WDR86: variants seen among roughly 807,000 people sequenced by gnomAD.
WDR86 encodes WD repeat domain 86, also known as WD repeat-containing protein 86.
A neutral mutation model predicts 36.5 loss-of-function variants in WDR86; 30 were observed. The ratio of observed to expected loss-of-function variants is 0.82; its 90% confidence interval spans 0.61 to 1.11. The LOEUF is 1.11. Ranked by LOEUF, WDR86 falls within the 50% of genes most tolerant of loss-of-function variation. The pLI, the probability that WDR86 is intolerant of heterozygous loss-of-function variation, is 0.00. For missense variants in WDR86, 545 were observed against 561.2 expected (o/e 0.97, Z 0.29); for synonymous variants, 255 against 252.9 (o/e 1.01, Z -0.08).
chr7:151,403,385 C>A (rs867819094), intron 1 of WDR86, among the ~76,000 whole-genome samples: 1 of 152,188 alleles, frequency 6.6e-6, no homozygotes, highest in African/African-American at 2.4e-5. Context: ...ATACTTATTA[C>A]ATTAAGAATT....
chr7:151,385,006 G>T, intron 4 of WDR86, 82 bp downstream of exon 4: 1 of 1,444,230 alleles, frequency 6.9e-7, no homozygotes, highest in Non-Finnish European at 9.3e-7. Flanking sequence ...GCTCAATGAG[G>T]GAAAATCCCA....
intron 4 of WDR86, among the ~76,000 whole-genome samples, chr7:151,382,589 C>T (rs1798682742): frequency 6.6e-6 from 1 of 152,220 alleles, no homozygotes; most frequent in African/African-American, 2.4e-5. Context: ...GGGGCCGCAT[C>T]CCAGAATCTG....
At position 151,406,112 on chromosome 7, in the gene WDR86, T is replaced by C. The variant is rs1032108660; in HGVS notation, c.163+3315A>G. Among the ~76,000 whole-genome samples, 1 of 152,204 alleles carries C rather than the reference T, an allele frequency of 6.6e-6. No homozygotes were observed. Among genetic ancestry groups the C allele is most frequent in the Non-Finnish European group, 1.5e-5 (1 of 68,038 alleles). On this transcript the variant is annotated intron_variant, in intron 1 of 5. Transcript: ENST00000334493. The surrounding 1 kb of genome is among the most constrained non-coding windows in gnomAD (Gnocchi z 4.4). ...GTAATTGCAATGAAGCCTTTTTCACTGTGAGCTCACCAACCGCATTTGAAA... is the reference window on the plus strand; with the variant it reads ...GTAATTGCAATGAAGCCTTTTTCACCGTGAGCTCACCAACCGCATTTGAAA...
rs553566745 is a variant in WDR86 at position 151,401,775 on chromosome 7, C to T, written c.164-1534G>A. On this transcript the variant is annotated intron_variant, in intron 1 of 5. Coordinates refer to ENST00000334493, the MANE Select transcript of WDR86 (RefSeq NM_198285.3). This position sits in a 1 kb window ranked among gnomAD's most constrained non-coding sequence, Gnocchi z 4.3. ...CTAAATACAACCGCAAGTGGCCAGG[C>T]GCGGTGGCTCACGCCTGTAATTCCA... Among the ~76,000 whole-genome samples the T allele has an allele frequency of 5.8e-4, 88 of 152,008 alleles. No homozygotes were observed. Among genetic ancestry groups the T allele is most frequent in the Admixed American group, 1.5e-3 (23 of 15,260 alleles).
chr7:151,396,710 A>G (rs1799849482), intron 2 of WDR86, among the ~76,000 whole-genome samples: 1 of 152,166 alleles, frequency 6.6e-6, no homozygotes, highest in African/African-American at 2.4e-5. Context: ...ACTTCAGATG[A>G]GGGCCCTGAG....
intron 4 of WDR86, among the ~76,000 whole-genome samples, chr7:151,384,529 C>T (rs993779528): frequency 3.8e-4 from 58 of 152,316 alleles, no homozygotes; most frequent in Middle Eastern, 3.4e-3. Flanking sequence ...CATGAGGCTT[C>T]TTTAAAGATA....
At chr7:151,394,338 CT>C (rs1799653782) in intron 3 of WDR86, among the ~76,000 whole-genome samples, 2 of 152,228 alleles carry the variant, frequency 1.3e-5, no homozygotes, top group African/African-American at 4.8e-5. Context: ...GCCTCTACCC[CT>C]ACAACCCCAA....
chr7:151,404,711 G>C (rs543482094), intron 1 of WDR86, among the ~76,000 whole-genome samples: 1 of 152,376 alleles, frequency 6.6e-6, no homozygotes, highest in South Asian at 2.1e-4. Flanking sequence ...ATGCAGATAA[G>C]ATGCAGTTAT....
chr7:151,375,657 C>A (rs1460886804), downstream of WDR86, among the ~76,000 whole-genome samples: 1 of 152,234 alleles, frequency 6.6e-6, no homozygotes, highest in Non-Finnish European at 1.5e-5. Context: ...CTTGCTCCTC[C>A]TTCAAACCCC....
intron 3 of WDR86, among the ~76,000 whole-genome samples, chr7:151,389,199 G>A (rs1007700180): frequency 7.6e-5 from 11 of 143,800 alleles, no homozygotes; most frequent in East Asian, 2.0e-4. Context: ...CAAGTGATCC[G>A]TCCACCTCAG....
chr7:151,410,163 C>A, upstream of WDR86: 1 of 853,068 alleles, frequency 1.2e-6, no homozygotes, highest in Non-Finnish European at 1.4e-6. Context: ...GTCCGGGGGA[C>A]GGCTCCACGT....
At chr7:151,385,872 C>G (rs913840684) in intron 3 of WDR86, among the ~76,000 whole-genome samples, 1 of 152,160 alleles carries the variant, frequency 6.6e-6, no homozygotes, top group Non-Finnish European at 1.5e-5. Flanking sequence ...GTAGCGGCCC[C>G]AGGGAAGTGC....
intron 3 of WDR86, among the ~76,000 whole-genome samples, chr7:151,393,375 C>G (rs749161836): frequency 6.6e-6 from 1 of 152,126 alleles, no homozygotes; most frequent in South Asian, 2.1e-4. Context: ...GCCAGGACAC[C>G]CTACGCTCCC....
chr7:151,371,899 G>A (rs932226519), downstream of WDR86, among the ~76,000 whole-genome samples: 4 of 152,102 alleles, frequency 2.6e-5, no homozygotes, highest in African/African-American at 7.2e-5. Flanking sequence ...TAGAAATGGG[G>A]TCTCACCATG....
In WDR86 at chr7:151,396,178, G is replaced by A. The variant is rs781010477; in HGVS notation, c.324C>T (p.Asn108=). The A allele has an allele frequency of 4.3e-6, 7 of 1,612,912 alleles. No homozygotes were observed. Among genetic ancestry groups the A allele is most frequent in the Non-Finnish European group, 5.9e-6 (7 of 1,179,866 alleles). ...SIVNRILVAN[N]QLFSSSYDRT... ...GGTCATAGGAGCTGCTGAAGAGCTG[G>A]TTGTTGGCAACCAGGATCCTGGGGG... The change falls in exon 3 of 6, where the codon AAC becomes AAT. Residue 108 remains asparagine, a synonymous_variant. Transcript: ENST00000334493.
In WDR86 at chr7:151,381,847, C is replaced by T. The variant is rs371164945; in HGVS notation, c.966+31G>A. ...GGCGGGGCACCTTCCCTCCCACGGGCGGCGGCCCCGAGAAGGGCAGAGGGA... is the reference window on the plus strand; with the variant it reads ...GGCGGGGCACCTTCCCTCCCACGGGTGGCGGCCCCGAGAAGGGCAGAGGGA... On this transcript the variant is annotated intron_variant, in intron 5 of 5. Coordinates refer to ENST00000334493, the MANE Select transcript of WDR86 (RefSeq NM_198285.3). This position sits in a 1 kb window ranked among gnomAD's most constrained non-coding sequence, Gnocchi z 4.8. 3.9e-5 allele frequency: 61 copies of T among 1,577,546 alleles called. No homozygotes were observed. The African/African-American group carries it at 6.1e-4, about 16-fold the overall frequency.
chr7:151,374,254 C>T (rs1798100914), downstream of WDR86: 5 of 1,551,696 alleles, frequency 3.2e-6, no homozygotes, highest in Non-Finnish European at 4.4e-6. Context: ...GTAGCAGCTC[C>T]CTCGGGGCCT....
chr7:151,389,515 C>T (rs1414248800), intron 3 of WDR86, among the ~76,000 whole-genome samples: 1 of 152,240 alleles, frequency 6.6e-6, no homozygotes. Flanking sequence ...TCTCCCTTGG[C>T]TCTTGACTTG....
intron 1 of WDR86, among the ~76,000 whole-genome samples, chr7:151,407,041 G>GT (rs1235093129): frequency 6.6e-6 from 1 of 152,184 alleles, no homozygotes; most frequent in Non-Finnish European, 1.5e-5. Flanking sequence ...CAAGTTGAGC[G>GT]TATCAGTAGA....
Sources: gnomAD v4.1 joint callset for allele counts (sites outside exome capture counted in the v4.1 genomes callset) on GRCh38, gnomAD v4.1.1 for gene constraint, Gnocchi (gnomAD v3.1) non-coding constraint, MANE v1.5 for transcripts, NCBI Gene and HGNC (gene_info 2026-07-23, HGNC 2026-07-21) for gene names.